The following AGAP1 variants were observed in gnomAD, a reference collection of about 807,000 sequenced individuals.
AGAP1 encodes ArfGAP with GTPase domain, ankyrin repeat and PH domain 1, also known as arf-GAP with GTPase, ANK repeat and PH domain-containing protein 1.
In AGAP1, 29 loss-of-function variants were observed where a neutral mutation model predicts 105.3. The ratio of observed to expected loss-of-function variants is 0.28; its 90% confidence interval spans 0.21 to 0.38. The LOEUF (loss-of-function observed/expected upper bound fraction) is 0.38, where lower values mean the gene tolerates loss of function less well. Ranked by LOEUF, AGAP1 falls within the 10% of genes least tolerant of loss-of-function variation. The pLI is 1.00. For synonymous variants in AGAP1, 509 were observed against 485.9 expected, an observed-to-expected ratio of 1.05 and a Z score of -0.63; for missense variants, 998 against 1,165.1, an observed-to-expected ratio of 0.86 and a Z score of 2.09.
At chr2:235,497,007 G>A (rs1259442478) in intron 1 of AGAP1, among the ~76,000 whole-genome samples, 1 of 152,206 alleles carries the variant, frequency 6.6e-6, no homozygotes, top group Non-Finnish European at 1.5e-5. Flanking sequence ...ACTCAGACAT[G>A]CTGCTGTTCT....
intron 9 of AGAP1, among the ~76,000 whole-genome samples, chr2:235,812,137 G>T (rs1958178998): frequency 6.6e-6 from 1 of 152,210 alleles, no homozygotes; most frequent in Non-Finnish European, 1.5e-5. Context: ...CTCGGTGGAT[G>T]CACCAAAGGA....
At chr2:235,688,571 C>T (rs948708310) in intron 1 of AGAP1, among the ~76,000 whole-genome samples, 1 of 152,128 alleles carries the variant, frequency 6.6e-6, no homozygotes, top group Non-Finnish European at 1.5e-5. Flanking sequence ...AGACTGCAGG[C>T]CCTACTAGAA....
Position 235,843,902 on chromosome 2 carries a change from A to C in AGAP1, c.1050+36571A>C, listed in dbSNP as rs1961160128. ...GCCTCCTGGGCCGCCAGTGGTGTGGAGCTGGCCGAGAAAGGAGCCTGCTTC... is the reference window on the plus strand; with the variant it reads ...GCCTCCTGGGCCGCCAGTGGTGTGGCGCTGGCCGAGAAAGGAGCCTGCTTC... On this transcript the variant is annotated intron_variant, in intron 9 of 17. Transcript: ENST00000304032. The surrounding 1 kb of genome is among the most constrained non-coding windows in gnomAD (Gnocchi z 5.9). Among the ~76,000 whole-genome samples, 1 of 152,090 alleles carries C rather than the reference A, an allele frequency of 6.6e-6. No individual in the cohort carries two copies. The highest frequency in any genetic ancestry group is 1.5e-5 in the Non-Finnish European group (1 of 68,012).
chr2:235,746,302 A>G (rs539402099), intron 5 of AGAP1, among the ~76,000 whole-genome samples: 408 of 149,272 alleles, frequency 2.7e-3, no homozygotes, highest in Non-Finnish European at 4.8e-3. Flanking sequence ...AAAAAAAAAC[A>G]AAACTATAAG....
In AGAP1 at chr2:235,814,794, AG is replaced by A. The variant is rs2106241424; in HGVS notation, c.1050+7467del. Among the ~76,000 whole-genome samples the A allele has an allele frequency of 1.3e-5, 2 of 152,204 alleles. 1 individual carries two copies. The highest frequency in any genetic ancestry group is 1.3e-4 in the Admixed American group (2 of 15,290). On this transcript the variant is annotated intron_variant, in intron 9 of 17. Transcript: ENST00000304032. ...AGGCAGACAGCAGAGCTGCGGATGG[AG>A]GGGTTCAGGAGGAAGTGGGGAGGAG...
In AGAP1 at chr2:236,027,492, A is replaced by G. The variant is rs558684982; in HGVS notation, c.1646-9069A>G. ...GTGCCCACCTCTGCGCTGAGCATGT[A>G]GGGTTCCATCTCCCGCCTCTGCCCT... On this transcript the variant is annotated intron_variant, in intron 13 of 17. Transcript: ENST00000304032. The surrounding 1 kb of genome is among the most constrained non-coding windows in gnomAD (Gnocchi z 4.4). Among the ~76,000 whole-genome samples, 4 of 152,216 alleles carry G rather than the reference A, an allele frequency of 2.6e-5. No homozygotes were observed. Among genetic ancestry groups the G allele is most frequent in the African/African-American group, 9.6e-5 (4 of 41,550 alleles).
Position 235,582,205 on chromosome 2 carries a change from G to A in AGAP1, c.163+87356G>A, listed in dbSNP as rs1404035033. On this transcript the variant is annotated intron_variant, in intron 1 of 17. Coordinates refer to ENST00000304032, the MANE Select transcript of AGAP1 (RefSeq NM_001037131.3). This position sits in a 1 kb window ranked among gnomAD's most constrained non-coding sequence, Gnocchi z 4.7. ...GTGAGCCCTGGAGCGCATGATTGTG[G>A]TTTTGACCCATTCTTGCCCCAGCTT... 6.6e-6 allele frequency among the ~76,000 whole-genome samples: 1 copy of A among 152,188 alleles called. No individual in the cohort carries two copies. The highest frequency in any genetic ancestry group is 1.5e-5 in the Non-Finnish European group (1 of 68,040).
rs2051234935 is a variant in AGAP1, at chr2:235,904,972, T to C, written c.1156-3766T>C. Among the ~76,000 whole-genome samples the C allele has an allele frequency of 6.6e-6, 1 of 152,050 alleles. No individual in the cohort carries two copies. Among genetic ancestry groups the C allele is most frequent in the African/African-American group, 2.4e-5 (1 of 41,314 alleles). On this transcript the variant is annotated intron_variant, in intron 10 of 17. Coordinates refer to ENST00000304032, the MANE Select transcript of AGAP1 (RefSeq NM_001037131.3). This position sits in a 1 kb window ranked among gnomAD's most constrained non-coding sequence, Gnocchi z 4.2. ...GGCTATTTTAAATACCGATTTTATT[T>C]ATTTTTTTTTTTTAGAGCTAGTTCT...
chr2:235,730,477 T>TTAA (rs1553616002), intron 3 of AGAP1, among the ~76,000 whole-genome samples: 17 of 123,870 alleles, frequency 1.4e-4, no homozygotes, highest in South Asian at 1.1e-3. Context: ...GTTTACCTTT[T>TTAA]AAAAAAAAAA....
intron 6 of AGAP1, among the ~76,000 whole-genome samples, chr2:235,763,057 T>TGTGTGTGTGTGC (rs953192018): frequency 9.3e-6 from 1 of 107,012 alleles, no homozygotes; most frequent in South Asian, 2.5e-4. Flanking sequence ...TGTGTATGTG[T>TGTGTGTGTGTGC]GCGCGCGCGC....
At chr2:236,021,653 C>T (rs2056887574) in intron 13 of AGAP1, among the ~76,000 whole-genome samples, 1 of 152,134 alleles carries the variant, frequency 6.6e-6, no homozygotes, top group Admixed American at 6.5e-5. Flanking sequence ...AGAGAAAGTA[C>T]AAGGGAGATA....
chr2:235,542,100 G>C (rs1943461863), intron 1 of AGAP1, among the ~76,000 whole-genome samples: 1 of 152,232 alleles, frequency 6.6e-6, no homozygotes, highest in South Asian at 2.1e-4. Context: ...TGTGCAAACA[G>C]GGTTATTGCT....
At chr2:236,063,343 G>C (rs764894032) in intron 16 of AGAP1, among the ~76,000 whole-genome samples, 2 of 152,068 alleles carry the variant, frequency 1.3e-5, no homozygotes, top group Non-Finnish European at 2.9e-5. Context: ...CACTGGCCTC[G>C]ACCTCCCAAA....
intron 1 of AGAP1, among the ~76,000 whole-genome samples, chr2:235,707,340 C>G (rs920982053): frequency 2.6e-5 from 4 of 152,224 alleles, no homozygotes; most frequent in Non-Finnish European, 4.4e-5. Context: ...TCCTCCTGAT[C>G]TACCCAGCTG....
Position 235,970,752 on chromosome 2 carries a change from C to T in AGAP1, c.1645+2129C>T, listed in dbSNP as rs937307041. 2.0e-5 allele frequency among the ~76,000 whole-genome samples: 3 copies of T among 152,178 alleles called. No individual in the cohort carries two copies. Among genetic ancestry groups the T allele is most frequent in the African/African-American group, 7.2e-5 (3 of 41,446 alleles). ...ACATTTGATGGAGCAGCTGGCACCACCCAGTGTTCCATTCAGCACCGGTGA... is the reference window on the plus strand; with the variant it reads ...ACATTTGATGGAGCAGCTGGCACCATCCAGTGTTCCATTCAGCACCGGTGA... On this transcript the variant is annotated intron_variant, in intron 13 of 17. Coordinates refer to ENST00000304032, the MANE Select transcript of AGAP1 (RefSeq NM_001037131.3). This position sits in a 1 kb window ranked among gnomAD's most constrained non-coding sequence, Gnocchi z 5.4.
chr2:236,075,305 T>C (rs1005194715), intron 16 of AGAP1, among the ~76,000 whole-genome samples: 1 of 152,146 alleles, frequency 6.6e-6, no homozygotes, highest in Non-Finnish European at 1.5e-5. Flanking sequence ...GTAGATTTTA[T>C]GATATGTAAA....
intron 1 of AGAP1, among the ~76,000 whole-genome samples, chr2:235,640,144 C>G (rs1482025014): frequency 6.6e-6 from 1 of 152,210 alleles, no homozygotes; most frequent in Non-Finnish European, 1.5e-5. Flanking sequence ...GACAGTTGCT[C>G]TTAGTCAGAA....
At chr2:235,854,653 T>C (rs1416309926) in intron 9 of AGAP1, among the ~76,000 whole-genome samples, 1 of 152,214 alleles carries the variant, frequency 6.6e-6, no homozygotes, top group Non-Finnish European at 1.5e-5. Context: ...AGTGGTGGAC[T>C]TGGGGATGTT....
rs1575140739 is a variant in AGAP1, at chr2:235,690,942, G to T, written c.164-18237G>T. On this transcript the variant is annotated intron_variant, in intron 1 of 17. Coordinates refer to ENST00000304032, the MANE Select transcript of AGAP1 (RefSeq NM_001037131.3). The surrounding 1 kb of genome is among the most constrained non-coding windows in gnomAD (Gnocchi z 4.1). The stretch of plus-strand genomic sequence containing the variant: ...GAGGGTTTGGCAGGGATTCGTGGCT[G>T]CTATTTTAGATATGCCAGGAGCCTT... Among the ~76,000 whole-genome samples, 1 of 152,166 alleles carries T rather than the reference G, an allele frequency of 6.6e-6. No homozygotes were observed. The highest frequency in any genetic ancestry group is 6.5e-5 in the Admixed American group (1 of 15,282).
Sources: gnomAD v4.1 joint callset for allele counts (sites outside exome capture counted in the v4.1 genomes callset) on GRCh38, gnomAD v4.1.1 for gene constraint, Gnocchi (gnomAD v3.1) non-coding constraint, MANE v1.5 for transcripts, NCBI Gene and HGNC (gene_info 2026-07-23, HGNC 2026-07-21) for gene names.